Variants in MYRF observed in about 807,000 individuals in gnomAD.
MYRF encodes myelin gene regulatory factor.
Under a neutral mutation model 126.3 loss-of-function variants are expected in MYRF, and 16 were observed. The ratio of observed to expected loss-of-function variants is 0.13; its 90% confidence interval spans 0.09 to 0.19. The LOEUF is 0.19. MYRF is among the 10% of genes least tolerant of loss of function. MYRF has a pLI of 1.00. For missense variants in MYRF, 1,104 were observed against 1,547.0 expected (o/e 0.71, Z 4.80); for synonymous variants, 608 against 635.3 (o/e 0.96, Z 0.65).
At position 61,764,091 on chromosome 11, in the gene MYRF, G is replaced by A. The variant is rs374164493; in HGVS notation, c.47-1534G>A. 2.6e-4 allele frequency among the ~76,000 whole-genome samples: 40 copies of A among 152,342 alleles called. No homozygotes were observed. In the South Asian group the frequency reaches 7.5e-3, roughly 28 times the overall value. ...CGCCCTGGACGGCCATTGGTGGTGC[G>A]TGGTGGGTGTCCCTTGTTCCTAGCT... On this transcript the variant is annotated intron_variant, in intron 1 of 26. Transcript: ENST00000278836.
intron 3 of MYRF, chr11:61,767,604 T>C (rs900187837): frequency 5.6e-6 from 2 of 357,276 alleles, no homozygotes; most frequent in South Asian, 4.2e-5. Flanking sequence ...GGTAGGCATA[T>C]TGCTTGAGCC....
intron 7 of MYRF, among the ~76,000 whole-genome samples, chr11:61,773,217 T>C (rs1052437268): frequency 1.3e-5 from 2 of 152,132 alleles, no homozygotes; most frequent in African/African-American, 4.8e-5. Flanking sequence ...CTCAAACTCT[T>C]GACCTCATGA....
Position 61,777,186 on chromosome 11 carries a change from GGA to G in MYRF, c.1591-76_1591-75del. 6.9e-7 allele frequency: 1 copy of G among 1,452,644 alleles called. No individual in the cohort carries two copies. Among genetic ancestry groups the G allele is most frequent in the Non-Finnish European group, 9.5e-7 (1 of 1,056,494 alleles). The allele number at this position is 1,452,644 out of a possible 1,614,324, so 90.0% of individuals were successfully genotyped here. A position where few individuals can be genotyped will look rare whatever the true frequency, so the allele number is the denominator to read the frequency against. ...TGGCTGGAAGGGGAGGGGCTGCTGT[GGA>G]GTTTCCCCCTGCTCCCAGGGCCCTG... is the stretch of plus-strand genomic sequence containing the variant. On this transcript the variant is annotated intron_variant, in intron 11 of 26. Coordinates refer to ENST00000278836, the MANE Select transcript of MYRF (RefSeq NM_001127392.3). This position sits in a 1 kb window ranked among gnomAD's most constrained non-coding sequence, Gnocchi z 8.8.
rs1367714106 is a variant in MYRF at position 61,786,047 on chromosome 11, C to A, written c.3376-16C>A. On this transcript the variant is annotated splice_polypyrimidine_tract_variant and intron_variant, in intron 26 of 26. Transcript: ENST00000278836. The surrounding 1 kb of genome is among the most constrained non-coding windows in gnomAD (Gnocchi z 4.5). The stretch of plus-strand genomic sequence containing the variant: ...CCCCCAGAGCCACCTCACCTTCCCA[C>A]TGCCCTTCCACCCAGGGTCAGGCCA... 4 of 1,613,554 alleles carry A rather than the reference C, an allele frequency of 2.5e-6. No individual in the cohort carries two copies. Among genetic ancestry groups the A allele is most frequent in the Non-Finnish European group, 3.4e-6 (4 of 1,179,540 alleles).
chr11:61,773,461 C>T (rs1330090228), intron 7 of MYRF, among the ~76,000 whole-genome samples: 1 of 152,166 alleles, frequency 6.6e-6, no homozygotes, highest in Non-Finnish European at 1.5e-5. Flanking sequence ...GGAATGAGGG[C>T]ATCTGGGGGC....
Position 61,780,693 on chromosome 11 carries a change from C to A in MYRF, c.2406-19C>A. ...TCCCCTTTGCCTGTCTCACCCTTTG[C>A]CTTTTTGCTGCCCCTTAGCTCTTTT... On this transcript the variant is annotated intron_variant, in intron 18 of 26. Transcript: ENST00000278836. 1 of 1,549,564 alleles carries A rather than the reference C, an allele frequency of 6.5e-7. No individual in the cohort carries two copies.
In MYRF at chr11:61,770,265, G is replaced by A. The variant is rs562504138; in HGVS notation, c.480G>A (p.Thr160=). 4 of 1,608,060 alleles carry A rather than the reference G, an allele frequency of 2.5e-6. No homozygotes were observed. The highest frequency in any genetic ancestry group is 2.2e-5 in the East Asian group (1 of 44,736). ...QQVNEPHLLR[T]ITPETLCHVG... ...CTGCAGAGCCCCACCTCCTGCGCACGATAACCCCTGAGACACTGTGCCACG... is the reference window on the plus strand; with the variant it reads ...CTGCAGAGCCCCACCTCCTGCGCACAATAACCCCTGAGACACTGTGCCACG... Residue 160 remains threonine, a synonymous_variant, in exon 5 of 27, where the codon ACG becomes ACA. Coordinates refer to ENST00000278836, the MANE Select transcript of MYRF (RefSeq NM_001127392.3).
At chr11:61,764,798 G>T (rs1319068461) in intron 1 of MYRF, among the ~76,000 whole-genome samples, 1 of 152,214 alleles carries the variant, frequency 6.6e-6, no homozygotes, top group Non-Finnish European at 1.5e-5. Context: ...CCTCCCCTTG[G>T]TGGGGCCGGG....
intron 1 of MYRF, among the ~76,000 whole-genome samples, chr11:61,764,886 CG>C (rs1565284508): frequency 6.6e-6 from 1 of 152,216 alleles, no homozygotes; most frequent in African/African-American, 2.4e-5. Flanking sequence ...GCTGGGAGGC[CG>C]GGGCAAGCCC....
At chr11:61,756,486 C>A (rs1174825665) in intron 1 of MYRF, among the ~76,000 whole-genome samples, 1 of 151,982 alleles carries the variant, frequency 6.6e-6, no homozygotes, top group Non-Finnish European at 1.5e-5. Flanking sequence ...CTCTGTCTGT[C>A]CCTGGTGCAC....
At chr11:61,756,299 C>T (rs2065752714) in intron 1 of MYRF, among the ~76,000 whole-genome samples, 1 of 152,110 alleles carries the variant, frequency 6.6e-6, no homozygotes, top group Admixed American at 6.5e-5. Context: ...CCACCAGTAC[C>T]TTGGGGTTGA....
In MYRF at chr11:61,783,980, C is replaced by T. The variant is rs950369029; in HGVS notation, c.3194+55C>T. The T allele has an allele frequency of 4.6e-5, 71 of 1,544,932 alleles. No homozygotes were observed. The highest frequency in any genetic ancestry group is 6.0e-5 in the Non-Finnish European group (68 of 1,136,150). On this transcript the variant is annotated intron_variant, in intron 24 of 26. Transcript: ENST00000278836. The surrounding 1 kb of genome is among the most constrained non-coding windows in gnomAD (Gnocchi z 4.6). ...AGGAGGGGAGCCAGGGAGAATCTCC[C>T]GCAGAGCCTCAGAACAGCCGAGTCT...
chr11:61,784,039 A>C (rs556514920), intron 24 of MYRF, 114 bp downstream of exon 24: 2 of 1,296,052 alleles, frequency 1.5e-6, no homozygotes, highest in African/African-American at 2.9e-5. Flanking sequence ...TATTTCCTGC[A>C]TGGTGGGATA....
chr11:61,752,643 G>C lies in MYRF; in HGVS notation c.-102G>C. ...GGCGGACCGGGCGGGACCGTAGCCG[G>C]AGCCCAGCCGGGACTGTCGCGCGGG... On this transcript the variant is annotated 5_prime_UTR_variant, in exon 1 of 27. Coordinates refer to ENST00000278836, the MANE Select transcript of MYRF (RefSeq NM_001127392.3). 4 of 931,610 alleles carry C rather than the reference G, an allele frequency of 4.3e-6. No homozygotes were observed. Among genetic ancestry groups the C allele is most frequent in the Non-Finnish European group, 5.5e-6 (4 of 729,652 alleles). The allele number at this position is 931,610 out of a possible 1,614,324, so 57.7% of individuals were successfully genotyped here.
At chr11:61,753,954 CT>C (rs933804328) in intron 1 of MYRF, 5 of 152,552 alleles carry the variant, frequency 3.3e-5, no homozygotes, top group African/African-American at 1.2e-4. Context: ...TTTTGTGCCC[CT>C]GTCTACCAAT....
chr11:61,765,739 A>C (rs1591091679), intron 2 of MYRF, 27 bp downstream of exon 2: 1 of 1,592,718 alleles, frequency 6.3e-7, no homozygotes, highest in East Asian at 2.3e-5. Flanking sequence ...CCCGGCCTGC[A>C]CCCGCCCAGC....
Position 61,783,617 on chromosome 11 carries a change from C to T in MYRF, c.3119+17C>T, listed in dbSNP as rs775876007. On this transcript the variant is annotated intron_variant, in intron 23 of 26. Transcript: ENST00000278836. This position sits in a 1 kb window ranked among gnomAD's most constrained non-coding sequence, Gnocchi z 4.6. ...TGCCTGCAGGTGGGCTGGGCTCCCT[C>T]CCCTCACCCAGGGAGGTCCTCAGGT... The T allele has an allele frequency of 1.6e-5, 25 of 1,605,892 alleles. No individual in the cohort carries two copies. Among genetic ancestry groups the T allele is most frequent in the Admixed American group, 1.2e-4 (7 of 59,900 alleles).
intron 1 of MYRF, 71 bp from the exon 2 acceptor site, chr11:61,765,554 G>A (rs2066032155): frequency 7.8e-7 from 1 of 1,279,862 alleles, no homozygotes. Context: ...AGGGATGGAG[G>A]GCTGGGCCCT....
rs1286256054 is a variant in MYRF at position 61,771,987 on chromosome 11, C to T, written c.1115+35C>T. The T allele has an allele frequency of 3.7e-6, 6 of 1,609,756 alleles. No homozygotes were observed. In the Admixed American group the frequency reaches 5.0e-5, roughly 13 times the overall value. ...CTACAACACTCCCCACTCCTCCAGG[C>T]CCCCCCACCTTGGGACGCCCCAGCC... On this transcript the variant is annotated intron_variant, in intron 7 of 26. Coordinates refer to ENST00000278836, the MANE Select transcript of MYRF (RefSeq NM_001127392.3).
Sources: allele counts gnomAD v4.1 joint callset (sites outside exome capture counted in the v4.1 genomes callset), GRCh38; gene constraint gnomAD v4.1.1; non-coding constraint Gnocchi (gnomAD v3.1); transcripts MANE v1.5; gene names NCBI Gene and HGNC (gene_info 2026-07-23, HGNC 2026-07-21).